The following ANO5 variants were observed in gnomAD, a reference collection of about 807,000 sequenced individuals.
ANO5 encodes anoctamin-5.
A neutral mutation model predicts 121.0 loss-of-function variants in ANO5; 109 were observed. The ratio of observed to expected loss-of-function variants is 0.90; its 90% confidence interval spans 0.77 to 1.06. The LOEUF (loss-of-function observed/expected upper bound fraction) is 1.06. Ranked by LOEUF, ANO5 falls within the 50% of genes least tolerant of loss-of-function variation. The pLI is 0.00. For synonymous variants in ANO5, 406 were observed against 359.9 expected, an observed-to-expected ratio of 1.13 and a Z score of -1.45; for missense variants, 1,064 against 1,078.5, an observed-to-expected ratio of 0.99 and a Z score of 0.19.
intron 1 of ANO5, 115 bp downstream of exon 1, chr11:22,193,647 A>C: frequency 7.6e-7 from 1 of 1,321,448 alleles, no homozygotes; most frequent in East Asian, 2.5e-5. Context: ...AGTCCTAGGG[A>C]GGTTCGCTGC....
chr11:22,237,840 T>C (rs1853278343), intron 8 of ANO5, among the ~76,000 whole-genome samples: 1 of 152,026 alleles, frequency 6.6e-6, no homozygotes, highest in Non-Finnish European at 1.5e-5. Flanking sequence ...GAGGGTTGGT[T>C]CCAGAACCAA....
intron 2 of ANO5, among the ~76,000 whole-genome samples, chr11:22,206,143 G>A (rs1327564697): frequency 1.3e-5 from 2 of 151,894 alleles, no homozygotes; most frequent in East Asian, 1.9e-4. Flanking sequence ...GATACCAAAA[G>A]AGACAGACAG....
chr11:22,280,754 T>C lies in ANO5; in HGVS notation c.*989T>C, dbSNP rs917901447. ...AATAATTGCAAATATTTTAATAAGT[T>C]TACAACCTTTTCTATTGATGTATCA... On this transcript the variant is annotated 3_prime_UTR_variant, in exon 22 of 22. Coordinates refer to ENST00000324559, the MANE Select transcript of ANO5 (RefSeq NM_213599.3). The C allele has an allele frequency of 6.6e-6, 1 of 152,014 alleles. No homozygotes were observed. Among genetic ancestry groups the C allele is most frequent in the Non-Finnish European group, 1.5e-5 (1 of 67,880 alleles). The allele number at this position is 152,014 out of a possible 1,614,324, so 9.4% of individuals were successfully genotyped here. A position where few individuals can be genotyped will look rare whatever the true frequency, so the allele number is the denominator to read the frequency against.
Position 22,226,519 on chromosome 11 carries a change from C to T in ANO5, c.363+467C>T, listed in dbSNP as rs566139082. Among the ~76,000 whole-genome samples the T allele has an allele frequency of 2.8e-4, 43 of 151,754 alleles. No homozygotes were observed. In the South Asian group the frequency reaches 2.9e-3, roughly 10 times the overall value. On this transcript the variant is annotated intron_variant, in intron 6 of 21. Coordinates refer to ENST00000324559, the MANE Select transcript of ANO5 (RefSeq NM_213599.3). ...TTTAAAGGCCTATTTAATATCTTAC[C>T]CTATCTATTCCAGCCTGGGCAACAT...
At position 22,267,508 on chromosome 11, in the gene ANO5, T is replaced by TTTTATATATATATATATA. The variant is rs1554932860; in HGVS notation, c.1899-2803_1899-2802insTTATATATATATATATAT. On this transcript the variant is annotated intron_variant, in intron 17 of 21. Coordinates refer to ENST00000324559, the MANE Select transcript of ANO5 (RefSeq NM_213599.3). ...CTACATACCATATAAATATCTACAATTATATATATATATATAAAATCTATC... is the reference window on the plus strand; with the variant it reads ...CTACATACCATATAAATATCTACAATTTTATATATATATATATATATATATATATATATAAAATCTATC... Among the ~76,000 whole-genome samples, 249 of 126,084 alleles carry TTTTATATATATATATATA rather than the reference T, an allele frequency of 2.0e-3. 4 individuals are homozygous for TTTTATATATATATATATA. Among genetic ancestry groups the TTTTATATATATATATATA allele is most frequent in the African/African-American group, 0.011 (237 of 21,524 alleles). The allele number at this position is 126,084 out of a possible 152,430, so 82.7% of individuals were successfully genotyped here. A position where few individuals can be genotyped will look rare whatever the true frequency, so the allele number is the denominator to read the frequency against.
intron 9 of ANO5, among the ~76,000 whole-genome samples, chr11:22,240,808 CA>C (rs34596447): frequency 0.67 from 101,676 of 151,412 alleles, 36,244 homozygotes; most frequent in Non-Finnish European, 0.81. Flanking sequence ...AAAGCAGAAA[CA>C]TTTTTTTTTC....
chr11:22,273,029 T>C (rs774525255), intron 19 of ANO5, 40 bp downstream of exon 19: 71 of 1,568,384 alleles, frequency 4.5e-5, no homozygotes, highest in Non-Finnish European at 6.0e-5. Context: ...TTGTATTTCA[T>C]TTTGGGGGGT....
chr11:22,257,716 C>A lies in ANO5; in HGVS notation c.1369C>A (p.Pro457Thr), dbSNP rs770013241. 3 of 1,612,764 alleles carry A rather than the reference C, an allele frequency of 1.9e-6. No individual in the cohort carries two copies. The highest frequency in any genetic ancestry group is 2.5e-6 in the Non-Finnish European group (3 of 1,179,012). The change falls in exon 14 of 22, where the codon CCA (proline) becomes ACA (threonine). Residue 457 changes from proline to threonine, a missense_variant. Pro to Thr is a conservative substitution (Grantham distance 38). Coordinates refer to ENST00000324559, the MANE Select transcript of ANO5 (RefSeq NM_213599.3). The stretch of plus-strand genomic sequence containing the variant: ...TTACATGCCTCTATACACGCGTATT[C>A]CATGGTACTTTCTTTCAGGAGCCAC... ...EPYMPLYTRI[P>T]WYFLSGATVT... is the part of the protein sequence containing the mutation.
rs4617581 is a variant in ANO5, at chr11:22,227,002, T to C, written c.364-300T>C. On this transcript the variant is annotated intron_variant, in intron 6 of 21. Coordinates refer to ENST00000324559, the MANE Select transcript of ANO5 (RefSeq NM_213599.3). ...GCATAGGTTATTGTGGATTTAGAGA[T>C]GAGTATACATTGACCATGAAATATA... Among the ~76,000 whole-genome samples, 102,152 of 151,986 alleles carry C rather than the reference T, an allele frequency of 0.67. 36,476 individuals carry two copies. The highest frequency in any genetic ancestry group is 0.81 in the Non-Finnish European group (54,908 of 67,974).
Position 22,276,074 on chromosome 11 carries a change from C to A in ANO5, c.2415-20C>A. ...TAACTATTATTATTTTTTTTTTTTGCATTTACTTCCACTTTTCAGGTACAG... is the reference window on the plus strand; with the variant it reads ...TAACTATTATTATTTTTTTTTTTTGAATTTACTTCCACTTTTCAGGTACAG... On this transcript the variant is annotated intron_variant, in intron 20 of 21. Transcript: ENST00000324559. 1 of 1,453,614 alleles carries A rather than the reference C, an allele frequency of 6.9e-7. No individual in the cohort carries two copies. Among genetic ancestry groups the A allele is most frequent in the Non-Finnish European group, 9.6e-7 (1 of 1,046,300 alleles). 90.0% of individuals were successfully genotyped at this position (1,453,614 alleles called of 1,614,324 possible). A position where few individuals can be genotyped will look rare whatever the true frequency, so the allele number is the denominator to read the frequency against.
chr11:22,193,512 T>C lies in ANO5; in HGVS notation c.20T>C (p.Leu7Pro), dbSNP rs1851715333. The change falls in exon 1 of 22, where the codon CTG becomes CCG. Residue 7 changes from leucine to proline, a missense_variant. Physicochemically the swap from Leu to Pro is moderately conservative, Grantham distance 98. Transcript: ENST00000324559. MGDPDLLEVLAEEGEKV... is the reference protein window; with the variant it reads MGDPDLPEVLAEEGEKV... ...GCGAAGATGGGCGACCCGGATCTCC[T>C]GGAAGTGTTGGCGGAGGAAGGTAGG... is the stretch of plus-strand genomic sequence containing the variant. The C allele has an allele frequency of 1.9e-6, 3 of 1,613,042 alleles. No homozygotes were observed. The highest frequency in any genetic ancestry group is 2.5e-6 in the Non-Finnish European group (3 of 1,179,772).
At chr11:22,216,940 G>A (rs747495155) in intron 3 of ANO5, among the ~76,000 whole-genome samples, 2 of 151,808 alleles carry the variant, frequency 1.3e-5, no homozygotes, top group East Asian at 3.9e-4. Flanking sequence ...GAGAAAAATA[G>A]TAACCTGTGA....
chr11:22,268,210 A>G (rs1854439741), intron 17 of ANO5, among the ~76,000 whole-genome samples: 1 of 152,122 alleles, frequency 6.6e-6, no homozygotes, highest in Non-Finnish European at 1.5e-5. Flanking sequence ...CAGATTTTAC[A>G]TGGAAAAATA....
At chr11:22,235,857 T>C (rs1022456242) in intron 7 of ANO5, among the ~76,000 whole-genome samples, 1 of 152,146 alleles carries the variant, frequency 6.6e-6, no homozygotes. Flanking sequence ...CTTGAAGCCC[T>C]AATTATAGTA....
chr11:22,227,441 A>G lies in ANO5; in HGVS notation c.503A>G (p.Tyr168Cys), dbSNP rs759887116. Residue 168 changes from tyrosine (Y) to cysteine (C), a missense_variant, in exon 7 of 22, where the codon TAT becomes TGT. Tyr to Cys is a radical substitution (Grantham distance 194). Transcript: ENST00000324559. ...CGCCCTAAGCACACTCCTATAAGCTATGTGCTTGGACCTGTAAGACTCCCA... is the reference window on the plus strand; with the variant it reads ...CGCCCTAAGCACACTCCTATAAGCTGTGTGCTTGGACCTGTAAGACTCCCA... Reference protein sequence around the residue: ...IPRPKHTPISYVLGPVRLPLS... With the variant: ...IPRPKHTPISCVLGPVRLPLS... 1.9e-6 allele frequency: 3 copies of G among 1,613,588 alleles called. No homozygotes were observed. The highest frequency in any genetic ancestry group is 4.5e-5 in the East Asian group (2 of 44,834).
intron 21 of ANO5, among the ~76,000 whole-genome samples, chr11:22,279,321 A>C (rs569446616): frequency 6.6e-6 from 1 of 151,932 alleles, no homozygotes; most frequent in Non-Finnish European, 1.5e-5. Flanking sequence ...TTCAATAATC[A>C]TGTTCAACTG....
intron 1 of ANO5, among the ~76,000 whole-genome samples, chr11:22,198,457 A>G (rs1851873253): frequency 6.6e-6 from 1 of 152,222 alleles, no homozygotes; most frequent in South Asian, 2.1e-4. Flanking sequence ...TAATAATAGG[A>G]GGTAATCTGG....
At chr11:22,248,292 G>A (rs972021411) in intron 9 of ANO5, among the ~76,000 whole-genome samples, 1 of 151,872 alleles carries the variant, frequency 6.6e-6, no homozygotes, top group Admixed American at 6.6e-5. Flanking sequence ...AATTAAAATG[G>A]ACAGGTTAAA....
intron 7 of ANO5, among the ~76,000 whole-genome samples, chr11:22,231,368 C>T (rs1296409005): frequency 6.6e-6 from 1 of 151,758 alleles, no homozygotes; most frequent in Non-Finnish European, 1.5e-5. Flanking sequence ...ACGACTGAAG[C>T]ACAGTTTCAT....
Sources: gnomAD v4.1 joint callset for allele counts (sites outside exome capture counted in the v4.1 genomes callset) on GRCh38, gnomAD v4.1.1 for gene constraint, MANE v1.5 for transcripts, NCBI Gene and HGNC (gene_info 2026-07-23, HGNC 2026-07-21) for gene names.